PREPL: variants seen among roughly 807,000 people sequenced by gnomAD.
PREPL encodes the protein prolyl endopeptidase-like.
Under a neutral mutation model 70.6 loss-of-function variants are expected in PREPL, and 77 were observed. That is an observed-to-expected ratio of 1.09 (90% CI 0.91 to 1.32). PREPL has a LOEUF of 1.32. Among genes scored for constraint, PREPL ranks in the 40% most tolerant of loss-of-function variants. The probability of loss-of-function intolerance (pLI) is 0.00; values close to 1 mark genes in which losing one functional copy is unlikely to be tolerated. For synonymous variants in PREPL, 315 were observed against 264.8 expected, an observed-to-expected ratio of 1.19 and a Z score of -1.84; for missense variants, 1,002 against 778.2, an observed-to-expected ratio of 1.29 and a Z score of -3.42.
chr2:44,358,895 G>A (rs965067891), intron 1 of PREPL, among the ~76,000 whole-genome samples: 8 of 151,932 alleles, frequency 5.3e-5, no homozygotes, highest in East Asian at 1.9e-4. Flanking sequence ...AACAATTAGC[G>A]TATCATTAGA....
Position 44,323,244 on chromosome 2 carries a change from A to C in PREPL, c.1629+18T>G, listed in dbSNP as rs1242466074. 1.3e-6 allele frequency: 2 copies of C among 1,572,132 alleles called. No individual in the cohort carries two copies. The highest frequency in any genetic ancestry group is 1.9e-5 in the Admixed American group (1 of 51,888). ...CTGTGTAAATTCAGGATAATCTAAC[A>C]CAATTGTCTTTCACTACCTGAGGTT... On this transcript the variant is annotated intron_variant, in intron 11 of 13. Coordinates refer to ENST00000409411, the MANE Select transcript of PREPL (RefSeq NM_001171613.2).
intron 7 of PREPL, among the ~76,000 whole-genome samples, chr2:44,335,526 C>T (rs1017135348): frequency 6.6e-6 from 1 of 152,156 alleles, no homozygotes; most frequent in Admixed American, 6.5e-5. Flanking sequence ...AACTGGACCC[C>T]TTCCTTACAC....
At chr2:44,346,595 T>A (rs1442363631) in intron 1 of PREPL, among the ~76,000 whole-genome samples, 2 of 152,114 alleles carry the variant, frequency 1.3e-5, no homozygotes, top group Non-Finnish European at 2.9e-5. Context: ...GTAAACAAAG[T>A]AAGATAGACA....
At chr2:44,335,364 A>G (rs1488912726) in intron 7 of PREPL, among the ~76,000 whole-genome samples, 1 of 152,226 alleles carries the variant, frequency 6.6e-6, no homozygotes, top group African/African-American at 2.4e-5. Flanking sequence ...ATTTTGTTCT[A>G]ACAAGTGCAT....
chr2:44,342,600 T>TAA (rs11421998), intron 4 of PREPL, 48 bp from the exon 5 acceptor site: 19,054 of 945,144 alleles, frequency 0.02, no homozygotes, highest in Non-Finnish European at 0.022. Context: ...TACACTCCAT[T>TAA]AAAAAAAAAA....
chr2:44,338,341 T>G lies in PREPL; in HGVS notation c.888+10A>C. ...GATTAACAGTATTAACTTCTGAAAA[T>G]TAAACATACCTTTAGAGACCGAACT... On this transcript the variant is annotated intron_variant, in intron 7 of 13. Transcript: ENST00000409411. The G allele has an allele frequency of 1.3e-6, 2 of 1,599,748 alleles. No homozygotes were observed. The highest frequency in any genetic ancestry group is 1.7e-4 in the Middle Eastern group (1 of 5,900).
rs1400010273 is a variant in PREPL, at chr2:44,339,146, C to T, written c.702+1G>A. The T allele has an allele frequency of 6.2e-7, 1 of 1,613,768 alleles. No individual in the cohort carries two copies. Among genetic ancestry groups the T allele is most frequent in the Non-Finnish European group, 8.5e-7 (1 of 1,179,798 alleles). ...TAGGAACAACGAGCATCCAGGATTA[C>T]CTTAAATTCTGTAGGTTCTCCAACA... is the stretch of plus-strand genomic sequence containing the variant. On this transcript the variant is annotated splice_donor_variant, in intron 6 of 13. Coordinates refer to ENST00000409411, the MANE Select transcript of PREPL (RefSeq NM_001171613.2). LOFTEE classifies it high-confidence loss of function.
At chr2:44,351,410 C>G (rs1432632453) in intron 1 of PREPL, among the ~76,000 whole-genome samples, 1 of 151,972 alleles carries the variant, frequency 6.6e-6, no homozygotes, top group African/African-American at 2.4e-5. Context: ...CCAAGATGAA[C>G]TTGTATATCC....
rs371137180 is a variant in PREPL, at chr2:44,317,815, C to T, written c.*3541G>A. 3.1e-5 allele frequency: 5 copies of T among 159,110 alleles called. No homozygotes were observed. The highest frequency in any genetic ancestry group is 9.7e-5 in the African/African-American group (4 of 41,326). The allele number at this position is 159,110 out of a possible 1,614,324, so 9.9% of individuals were successfully genotyped here. On this transcript the variant is annotated 3_prime_UTR_variant, in exon 14 of 14. Transcript: ENST00000409411. ...ATAACTACAAATAAAATAGGGCTTC[C>T]GAATTATGTCTAAATAATACAATAA...
At position 44,321,182 on chromosome 2, in the gene PREPL, G is replaced by C; in HGVS notation, c.*174C>G. ...TAATGGGCATGTGCATCAATGGAGAGAATAGTATAAGCAAGTGAGATGTAG... is the reference window on the plus strand; with the variant it reads ...TAATGGGCATGTGCATCAATGGAGACAATAGTATAAGCAAGTGAGATGTAG... On this transcript the variant is annotated 3_prime_UTR_variant, in exon 14 of 14. Coordinates refer to ENST00000409411, the MANE Select transcript of PREPL (RefSeq NM_001171613.2). The C allele has an allele frequency of 1.6e-6, 1 of 609,624 alleles. No individual in the cohort carries two copies. The highest frequency in any genetic ancestry group is 2.1e-5 in the South Asian group (1 of 46,514). The allele number at this position is 609,624 out of a possible 1,614,324, so 37.8% of individuals were successfully genotyped here. A position where few individuals can be genotyped will look rare whatever the true frequency, so the allele number is the denominator to read the frequency against.
At position 44,322,780 on chromosome 2, in the gene PREPL, A is replaced by T; in HGVS notation, c.1704T>A (p.Thr568=). ...CCGCGATGGCTTCCTTGAGTTTCTC[A>T]GTATAACTTACAATTCCTTTCAGAG... ...RVPLKGIVSY[T]EKLKEAIAEH... is the part of the protein sequence containing the mutation. The change falls in exon 12 of 14, where the codon ACT becomes ACA. Residue 568 remains threonine (T), a synonymous_variant. Transcript: ENST00000409411. 1 of 1,613,954 alleles carries T rather than the reference A, an allele frequency of 6.2e-7. No homozygotes were observed. Among genetic ancestry groups the T allele is most frequent in the Non-Finnish European group, 8.5e-7 (1 of 1,179,840 alleles).
At chr2:44,323,743 T>C (rs1296817367) in intron 10 of PREPL, among the ~76,000 whole-genome samples, 1 of 152,176 alleles carries the variant, frequency 6.6e-6, no homozygotes, top group Non-Finnish European at 1.5e-5. Context: ...ATTAGGACAG[T>C]TAGTTATTAT....
At chr2:44,325,579 T>C (rs1472534773) in intron 10 of PREPL, among the ~76,000 whole-genome samples, 4 of 152,234 alleles carry the variant, frequency 2.6e-5, no homozygotes. Flanking sequence ...CTAGCATAAA[T>C]ATCCTTCTCA....
chr2:44,333,017 T>C (rs1674276226), intron 7 of PREPL, among the ~76,000 whole-genome samples: 1 of 152,148 alleles, frequency 6.6e-6, no homozygotes, highest in African/African-American at 2.4e-5. Context: ...CCACCGACAC[T>C]GCCAAGATCT....
At position 44,343,844 on chromosome 2, in the gene PREPL, T is replaced by C; in HGVS notation, c.250A>G (p.Lys84Glu). Residue 84 changes from lysine to glutamate, a missense_variant, in exon 4 of 14, where the codon AAG becomes GAG. By Grantham distance (56) the Lys-to-Glu change is moderately conservative. Coordinates refer to ENST00000409411, the MANE Select transcript of PREPL (RefSeq NM_001171613.2). ...VAPDEKYVAA[K>E]IRTEDSEAST... ...GCTTCAGAATCTTCAGTTCTTATCT[T>C]GGCAGCCACATATTTTTCATCTGGA... The C allele has an allele frequency of 1.9e-6, 3 of 1,614,006 alleles. No homozygotes were observed. The highest frequency in any genetic ancestry group is 1.3e-5 in the African/African-American group (1 of 75,036).
chr2:44,323,348 ATTC>A lies in PREPL; in HGVS notation c.1540_1542del (p.Glu514del), dbSNP rs762329713. ...GATGAAGGATTCCCCCATTCTTCTA[ATTC>A]TTCTAATGTCAGAGGAAGTGTAGTG... is the stretch of plus-strand genomic sequence containing the variant. On this transcript the variant is annotated inframe_deletion, in exon 11 of 14. Coordinates refer to ENST00000409411, the MANE Select transcript of PREPL (RefSeq NM_001171613.2). 1.9e-6 allele frequency: 3 copies of A among 1,604,516 alleles called. No individual in the cohort carries two copies. Among genetic ancestry groups the A allele is most frequent in the Non-Finnish European group, 1.7e-6 (2 of 1,171,606 alleles).
At chr2:44,344,023 G>A in intron 3 of PREPL, 72 bp from the exon 4 acceptor site, 1 of 1,485,402 alleles carries the variant, frequency 6.7e-7, no homozygotes, top group East Asian at 2.4e-5. Context: ...GTATTTTAAT[G>A]TTTTAAATTA....
At chr2:44,323,131 G>A (rs1673146661) in intron 11 of PREPL, 131 bp downstream of exon 11, 5 of 921,948 alleles carry the variant, frequency 5.4e-6, no homozygotes, top group African/African-American at 3.3e-5. Flanking sequence ...CAGAGATGGT[G>A]CTGAAGATAT....
chr2:44,335,115 CA>C (rs1431188930), intron 7 of PREPL, among the ~76,000 whole-genome samples: 7 of 151,998 alleles, frequency 4.6e-5, no homozygotes, highest in African/African-American at 1.7e-4. Context: ...ATGACTAGAA[CA>C]TTATAAAAGT....
Sources: gnomAD v4.1 joint callset for allele counts (sites outside exome capture counted in the v4.1 genomes callset) on GRCh38, gnomAD v4.1.1 for gene constraint, MANE v1.5 for transcripts, NCBI Gene and HGNC (gene_info 2026-07-23, HGNC 2026-07-21) for gene names.